SERPINB2: variants seen among roughly 807,000 people sequenced by gnomAD.
SERPINB2 encodes plasminogen activator inhibitor 2.
SERPINB2 carries 28 observed loss-of-function variants against 39.4 expected under a neutral mutation model. The ratio of observed to expected loss-of-function variants is 0.71; its 90% CI spans 0.53 to 0.97. The LOEUF (loss-of-function observed/expected upper bound fraction) is 0.97. Among genes scored for constraint, SERPINB2 ranks in the 50% least tolerant of loss-of-function variants. The pLI is 0.00. For missense variants in SERPINB2, 557 were observed against 505.3 expected (o/e 1.10, Z -0.98); for synonymous variants, 209 against 175.1 (o/e 1.19, Z -1.53).
At chr18:63,898,218 A>T (rs1156363598) in intron 5 of SERPINB2, among the ~76,000 whole-genome samples, 1 of 152,244 alleles carries the variant, frequency 6.6e-6, no homozygotes, top group African/African-American at 2.4e-5. Context: ...GGTGTGAGCT[A>T]TAAAGAATAC....
chr18:63,898,286 A>G (rs2049972988), intron 5 of SERPINB2, among the ~76,000 whole-genome samples: 1 of 152,192 alleles, frequency 6.6e-6, no homozygotes, highest in African/African-American at 2.4e-5. Context: ...CTCTTTCACC[A>G]TTCAAAGCCA....
rs760922131 is a variant in SERPINB2 at position 63,903,090 on chromosome 18, G to A, written c.1033G>A (p.Glu345Lys). ...KGRANFSGMS[E>K]RNDLFLSEVF... The stretch of plus-strand genomic sequence containing the variant: ...ACGGGCCAATTTCTCAGGGATGTCG[G>A]AGAGGAATGACCTGTTTCTTTCTGA... Residue 345 changes from glutamate to lysine, a missense_variant, in exon 8 of 8, where the codon GAG becomes AAG. Transcript: ENST00000299502. The A allele has an allele frequency of 6.2e-7, 1 of 1,613,744 alleles. No individual in the cohort carries two copies. Among genetic ancestry groups the A allele is most frequent in the South Asian group, 1.1e-5 (1 of 91,064 alleles).
At chr18:63,901,520 T>A (rs1229853309) in intron 5 of SERPINB2, among the ~76,000 whole-genome samples, 1 of 152,202 alleles carries the variant, frequency 6.6e-6, no homozygotes, top group Admixed American at 6.6e-5. Flanking sequence ...GCGGTCTAAA[T>A]TTTAAATGCA....
chr18:63,903,307 A>C lies in SERPINB2; in HGVS notation c.*2A>C. 1.3e-6 allele frequency: 2 copies of C among 1,495,738 alleles called. No homozygotes were observed. The highest frequency in any genetic ancestry group is 1.8e-6 in the Non-Finnish European group (2 of 1,123,188). 92.7% of individuals were successfully genotyped at this position (1,495,738 alleles called of 1,614,324 possible). ...TTCGGCAGATTTTCCTCACCCTAAA[A>C]CTAAGCGTGCTGCTTCTGCAAAAGA... On this transcript the variant is annotated 3_prime_UTR_variant, in exon 8 of 8. Coordinates refer to ENST00000299502, the MANE Select transcript of SERPINB2 (RefSeq NM_002575.3).
At chr18:63,898,250 T>C (rs2049972831) in intron 5 of SERPINB2, among the ~76,000 whole-genome samples, 1 of 152,126 alleles carries the variant, frequency 6.6e-6, no homozygotes, top group African/African-American at 2.4e-5. Flanking sequence ...GAGGGAAGAA[T>C]CATAAAATTA....
At position 63,889,527 on chromosome 18, in the gene SERPINB2, G is replaced by A. The variant is rs545485100; in HGVS notation, c.-10+1757G>A. On this transcript the variant is annotated intron_variant, in intron 1 of 7. Coordinates refer to ENST00000299502, the MANE Select transcript of SERPINB2 (RefSeq NM_002575.3). ...AGGTATGGGAGAAGTCTAAATTTAT[G>A]TTTGTGGCTCTGATCTCTTATTTAC... is the stretch of plus-strand genomic sequence containing the variant. Among the ~76,000 whole-genome samples the A allele has an allele frequency of 3.3e-5, 5 of 152,218 alleles. No individual in the cohort carries two copies. In the East Asian group the frequency reaches 9.6e-4, roughly 29 times the overall value.
chr18:63,895,873 C>T (rs2049956373), intron 3 of SERPINB2, among the ~76,000 whole-genome samples: 1 of 152,172 alleles, frequency 6.6e-6, no homozygotes, highest in Non-Finnish European at 1.5e-5. Context: ...ACCTATCATA[C>T]ATCTATCAAT....
At chr18:63,887,880 G>T (rs965324475) in intron 1 of SERPINB2, 110 bp downstream of exon 1, 2 of 152,198 alleles carry the variant, frequency 1.3e-5, no homozygotes, top group Non-Finnish European at 2.9e-5. Flanking sequence ...TGTTTGTAGA[G>T]GGCGAGTAAA....
At chr18:63,893,690 G>A (rs1431382730) in intron 2 of SERPINB2, among the ~76,000 whole-genome samples, 1 of 152,208 alleles carries the variant, frequency 6.6e-6, no homozygotes, top group Non-Finnish European at 1.5e-5. Context: ...GAATAAAAAT[G>A]TGTAGCATGC....
intron 1 of SERPINB2, among the ~76,000 whole-genome samples, chr18:63,889,569 T>A (rs2049912657): frequency 6.6e-6 from 1 of 152,154 alleles, no homozygotes; most frequent in African/African-American, 2.4e-5. Context: ...CACATGGGGA[T>A]CGAGAAATAT....
chr18:63,902,661 C>A, intron 7 of SERPINB2, 93 bp downstream of exon 7: 1 of 1,295,974 alleles, frequency 7.7e-7, no homozygotes, highest in African/African-American at 1.5e-5. Flanking sequence ...GTGGTAATTT[C>A]TCATGGAAAT....
chr18:63,903,044 G>A lies in SERPINB2; in HGVS notation c.987G>A (p.Met329Ile). ...ELRSILRSMG[M>I]EDAFNKGRAN... is the part of the protein sequence containing the mutation. ...GATCCATTCTGAGAAGCATGGGCAT[G>A]GAGGACGCCTTCAACAAGGGACGGG... Residue 329 changes from methionine to isoleucine, a missense_variant, in exon 8 of 8, where the codon ATG becomes ATA. Met to Ile is a conservative substitution (Grantham distance 10). Transcript: ENST00000299502. 1 of 1,613,850 alleles carries A rather than the reference G, an allele frequency of 6.2e-7. No individual in the cohort carries two copies.
At position 63,902,610 on chromosome 18, in the gene SERPINB2, C is replaced by T. The variant is rs200624571; in HGVS notation, c.843+42C>T. 914 of 1,514,958 alleles carry T rather than the reference C, an allele frequency of 6.0e-4. 5 individuals are homozygous for T. The African/African-American group carries it at 0.013, about 22-fold the overall frequency. The allele number at this position is 1,514,958 out of a possible 1,614,324, so 93.8% of individuals were successfully genotyped here. ...TTTAAGTTTCTGGGGCTATACCTAC[C>T]TTTCGTGAGATGAGATGAATATATA... On this transcript the variant is annotated intron_variant, in intron 7 of 7. Transcript: ENST00000299502.
Position 63,897,148 on chromosome 18 carries a change from G to C in SERPINB2, c.346G>C (p.Ala116Pro). 1 of 1,613,438 alleles carries C rather than the reference G, an allele frequency of 6.2e-7. No individual in the cohort carries two copies. Among genetic ancestry groups the C allele is most frequent in the Non-Finnish European group, 8.5e-7 (1 of 1,179,576 alleles). ...CCGCTCTCTCAGCTCTGCAATCAAT[G>C]CATCCACAGGGAATTATTTACTGGA... ...SFRSLSSAIN[A>P]STGNYLLESV... Residue 116 changes from alanine to proline, a missense_variant, in exon 4 of 8, where the codon GCA becomes CCA. Ala to Pro is a conservative substitution (Grantham distance 27, BLOSUM62 -1). Transcript: ENST00000299502.
At chr18:63,889,572 A>C (rs1356461677) in intron 1 of SERPINB2, among the ~76,000 whole-genome samples, 1 of 152,136 alleles carries the variant, frequency 6.6e-6, no homozygotes, top group Non-Finnish European at 1.5e-5. Flanking sequence ...ATGGGGATCG[A>C]GAAATATTTT....
At chr18:63,892,764 A>G (rs780229139) in intron 2 of SERPINB2, 13 of 152,190 alleles carry the variant, frequency 8.5e-5, no homozygotes, top group South Asian at 2.1e-4. Flanking sequence ...TGTGTTTGTG[A>G]CAGTTTAAAC....
At position 63,891,474 on chromosome 18, in the gene SERPINB2, C is replaced by T; in HGVS notation, c.30C>T (p.Leu10=). 1 of 1,614,172 alleles carries T rather than the reference C, an allele frequency of 6.2e-7. No individual in the cohort carries two copies. Among genetic ancestry groups the T allele is most frequent in the Non-Finnish European group, 8.5e-7 (1 of 1,180,018 alleles). The change falls in exon 2 of 8, where the codon CTC becomes CTT. Residue 10 remains leucine, a synonymous_variant. Coordinates refer to ENST00000299502, the MANE Select transcript of SERPINB2 (RefSeq NM_002575.3). MEDLCVANT[L]FALNLFKHLA... ...AGGATCTTTGTGTGGCAAACACACT[C>T]TTTGCCCTCAATTTATTCAAGCATC...
chr18:63,891,901 T>C (rs2202555), intron 2 of SERPINB2, among the ~76,000 whole-genome samples: 36,595 of 152,072 alleles, frequency 0.24, 4,946 homozygotes, highest in East Asian at 0.48. Context: ...ATAATATTCT[T>C]ATTTTTCAAA....
rs1298408400 is a variant in SERPINB2, at chr18:63,896,114, C to T, written c.288+731C>T. Among the ~76,000 whole-genome samples, 4 of 152,172 alleles carry T rather than the reference C, an allele frequency of 2.6e-5. No individual in the cohort carries two copies. In the East Asian group the frequency reaches 7.7e-4, roughly 29 times the overall value. On this transcript the variant is annotated intron_variant, in intron 3 of 7. Transcript: ENST00000299502. ...TATGAGGTAGATTATGAAGAGGTAT[C>T]TCCCAAAGCTCTCTTCCTGGGCACT...
Sources: allele counts gnomAD v4.1 joint callset (sites outside exome capture counted in the v4.1 genomes callset), GRCh38; gene constraint gnomAD v4.1.1; transcripts MANE v1.5; gene names NCBI Gene and HGNC (gene_info 2026-07-23, HGNC 2026-07-21).